The following KLHL2 variants were observed in gnomAD, a reference collection of about 807,000 sequenced individuals.
The protein encoded by KLHL2 is kelch-like protein 2.
In KLHL2, 15 loss-of-function variants were observed where a neutral mutation model predicts 75.8. That is an observed-to-expected ratio of 0.20 (90% CI 0.13 to 0.30). The LOEUF (loss-of-function observed/expected upper bound fraction) is 0.30. KLHL2 is among the 10% of genes least tolerant of loss of function. The pLI, the probability that KLHL2 is intolerant of heterozygous loss-of-function variation, is 1.00. For missense variants in KLHL2, 381 were observed against 741.0 expected, an observed-to-expected ratio of 0.51 and a Z score of 5.64; for synonymous variants, 214 against 251.9, an observed-to-expected ratio of 0.85 and a Z score of 1.42.
At chr4:165,226,459 C>T (rs549363763) in intron 2 of KLHL2, among the ~76,000 whole-genome samples, 7 of 152,312 alleles carry the variant, frequency 4.6e-5, no homozygotes, top group Non-Finnish European at 1.0e-4. Flanking sequence ...GATCCCCAGT[C>T]TGATTTAAAT....
At chr4:165,311,795 C>A (rs1746207301) in intron 11 of KLHL2, among the ~76,000 whole-genome samples, 1 of 145,714 alleles carries the variant, frequency 6.9e-6, no homozygotes, top group Non-Finnish European at 1.5e-5. Context: ...CCCTTTATCC[C>A]TCCTCCTTTC....
At chr4:165,303,911 T>A (rs1193759244) in intron 8 of KLHL2, among the ~76,000 whole-genome samples, 1 of 150,690 alleles carries the variant, frequency 6.6e-6, no homozygotes, top group East Asian at 2.0e-4. Flanking sequence ...AGTCTCACTC[T>A]GTTGCCCAGG....
intron 5 of KLHL2, among the ~76,000 whole-genome samples, chr4:165,270,575 C>G (rs1228875506): frequency 6.6e-6 from 1 of 152,126 alleles, no homozygotes; most frequent in Non-Finnish European, 1.5e-5. Context: ...TCCAACAGGC[C>G]CCTCAGCTGC....
chr4:165,214,179 G>A (rs556755343), intron 1 of KLHL2, among the ~76,000 whole-genome samples: 2 of 152,034 alleles, frequency 1.3e-5, no homozygotes, highest in Non-Finnish European at 2.9e-5. Flanking sequence ...ACTGAATTGC[G>A]GAGTCGTATT....
At chr4:165,287,809 G>A (rs7680459) in intron 5 of KLHL2, among the ~76,000 whole-genome samples, 5,891 of 152,090 alleles carry the variant, frequency 0.039, 384 homozygotes, top group African/African-American at 0.13. Flanking sequence ...TTTGTATATC[G>A]TCTTTGGAGA....
At chr4:165,272,427 T>G (rs1214700623) in intron 5 of KLHL2, among the ~76,000 whole-genome samples, 1 of 152,204 alleles carries the variant, frequency 6.6e-6, no homozygotes, top group Non-Finnish European at 1.5e-5. Context: ...CTGCTAGACT[T>G]AATGCACCTG....
chr4:165,250,049 A>G (rs1398408341), intron 4 of KLHL2, among the ~76,000 whole-genome samples: 3 of 151,838 alleles, frequency 2.0e-5, no homozygotes, highest in Non-Finnish European at 2.9e-5. Flanking sequence ...GTGTGAACCC[A>G]GGAGGCGGAG....
chr4:165,279,735 C>T (rs1440871813), intron 5 of KLHL2: 32 of 968,438 alleles, frequency 3.3e-5, no homozygotes, highest in African/African-American at 1.1e-4. Context: ...GTCCAAAGAG[C>T]GAGGCCGCGC....
intron 1 of KLHL2, among the ~76,000 whole-genome samples, chr4:165,218,902 C>T (rs778197946): frequency 2.6e-5 from 4 of 151,936 alleles, no homozygotes; most frequent in Non-Finnish European, 5.9e-5. Context: ...AAAATTGGTG[C>T]CCTGATTTTT....
chr4:165,307,528 T>A (rs1366670292), intron 9 of KLHL2, among the ~76,000 whole-genome samples: 6 of 152,224 alleles, frequency 3.9e-5, no homozygotes, highest in Admixed American at 3.9e-4. Context: ...GATTCTCTTA[T>A]GCTGTTCTAG....
chr4:165,265,933 A>G (rs1742206594), intron 5 of KLHL2, among the ~76,000 whole-genome samples: 1 of 152,206 alleles, frequency 6.6e-6, no homozygotes, highest in African/African-American at 2.4e-5. Context: ...TTACACTCCC[A>G]CCAACAGTGT....
At chr4:165,321,182 C>T (rs901191115) in intron 14 of KLHL2, 7 of 450,516 alleles carry the variant, frequency 1.6e-5, no homozygotes, top group African/African-American at 1.4e-4. Flanking sequence ...CAGTGTATTT[C>T]CTTAAAGTTG....
At chr4:165,208,522 C>A (rs969946542) in intron 1 of KLHL2, 2 of 152,142 alleles carry the variant, frequency 1.3e-5, no homozygotes, top group African/African-American at 4.8e-5. Flanking sequence ...TATCGACCTG[C>A]CAGGCACAGG....
chr4:165,297,569 A>C (rs1370425623), intron 6 of KLHL2, 40 bp from the exon 7 acceptor site: 1 of 1,189,162 alleles, frequency 8.4e-7, no homozygotes, highest in Non-Finnish European at 1.3e-6. Context: ...TTGATACACA[A>C]CTCATTTCTT....
chr4:165,272,179 G>A (rs1230593634), intron 5 of KLHL2, among the ~76,000 whole-genome samples: 1 of 152,092 alleles, frequency 6.6e-6, no homozygotes, highest in East Asian at 1.9e-4. Flanking sequence ...AATTATTTCA[G>A]TGAAAAAATG....
At chr4:165,243,158 A>T (rs1238751912) in intron 4 of KLHL2, among the ~76,000 whole-genome samples, 2 of 152,202 alleles carry the variant, frequency 1.3e-5, no homozygotes, top group African/African-American at 4.8e-5. Flanking sequence ...ATGTCATTAG[A>T]TGTGTTAATT....
intron 9 of KLHL2, among the ~76,000 whole-genome samples, chr4:165,307,691 T>C (rs1745840185): frequency 1.3e-5 from 2 of 152,206 alleles, no homozygotes; most frequent in South Asian, 4.1e-4. Flanking sequence ...TTTTCCATGG[T>C]TAAATTGACT....
intron 4 of KLHL2, among the ~76,000 whole-genome samples, chr4:165,257,534 A>G (rs1741281670): frequency 6.6e-6 from 1 of 152,184 alleles, no homozygotes; most frequent in Non-Finnish European, 1.5e-5. Flanking sequence ...GTTACGTTAC[A>G]TCTTCAGAAA....
At chr4:165,227,239 C>G (rs898205128) in intron 2 of KLHL2, among the ~76,000 whole-genome samples, 1 of 151,668 alleles carries the variant, frequency 6.6e-6, no homozygotes, top group African/African-American at 2.4e-5. Context: ...AACACACAAG[C>G]CATACCATAA....
Sources: gnomAD v4.1 joint callset for allele counts (sites outside exome capture counted in the v4.1 genomes callset) on GRCh38, gnomAD v4.1.1 for gene constraint, MANE v1.5 for transcripts, NCBI Gene and HGNC (gene_info 2026-07-23, HGNC 2026-07-21) for gene names.